Variants in SIN3B observed in about 807,000 individuals in gnomAD.
SIN3B encodes the protein SIN3 transcription regulator family member B, also known as paired amphipathic helix protein Sin3b.
SIN3B carries 19 observed loss-of-function variants against 120.2 expected under a neutral mutation model. The ratio of observed to expected loss-of-function variants is 0.16; its 90% confidence interval spans 0.11 to 0.23. The LOEUF (loss-of-function observed/expected upper bound fraction) is 0.23, where lower values mean the gene tolerates loss of function less well. Ranked by LOEUF, SIN3B falls within the 10% of genes least tolerant of loss-of-function variation. SIN3B has a pLI of 1.00. For synonymous variants in SIN3B, 654 were observed against 653.2 expected, an observed-to-expected ratio of 1.00 and a Z score of -0.02; for missense variants, 1,073 against 1,573.0, an observed-to-expected ratio of 0.68 and a Z score of 5.38.
intron 3 of SIN3B, among the ~76,000 whole-genome samples, chr19:16,841,555 T>C (rs1199036136): frequency 6.6e-6 from 1 of 152,150 alleles, no homozygotes; most frequent in Non-Finnish European, 1.5e-5. Context: ...AGTAGATTGG[T>C]AAGGATCGGG....
chr19:16,863,947 G>C (rs1334480662), intron 10 of SIN3B, 151 bp downstream of exon 10: 1 of 608,514 alleles, frequency 1.6e-6, no homozygotes, highest in African/African-American at 1.9e-5. Context: ...CTTCCTGCCG[G>C]GTCTTGCTGG....
chr19:16,876,793 C>G lies in SIN3B; in HGVS notation c.2859+215C>G. 3.9e-6 allele frequency: 2 copies of G among 516,552 alleles called. No individual in the cohort carries two copies. Among genetic ancestry groups the G allele is most frequent in the Non-Finnish European group, 6.9e-6 (2 of 289,118 alleles). The allele number at this position is 516,552 out of a possible 1,614,324, so 32.0% of individuals were successfully genotyped here. Reference sequence around the variant, plus strand: ...TGCCCCCTCTCCAAAGAGCAGACCACTCCTCCTGAGCAAGCGGTTGTGTCC... The same window carrying G: ...TGCCCCCTCTCCAAAGAGCAGACCAGTCCTCCTGAGCAAGCGGTTGTGTCC... On this transcript the variant is annotated intron_variant, in intron 16 of 18. Transcript: ENST00000248054. This position sits in a 1 kb window ranked among gnomAD's most constrained non-coding sequence, Gnocchi z 7.1.
rs1555741877 is a variant in SIN3B at position 16,855,377 on chromosome 19, C to CCCCT, written c.1058+1119_1058+1120insTCCC. 3 of 113,072 alleles carry CCCCT rather than the reference C, an allele frequency of 2.7e-5. 1 individual carries two copies. The East Asian group carries it at 7.9e-4, about 30-fold the overall frequency. 7.0% of individuals were successfully genotyped at this position (113,072 alleles called of 1,614,324 possible). A position where few individuals can be genotyped will look rare whatever the true frequency, so the allele number is the denominator to read the frequency against. On this transcript the variant is annotated intron_variant, in intron 8 of 18. Transcript: ENST00000248054. ...ACCCTCTGGGAGAAACCTTCCCCCCCCCCCCCCCAGCAAAATTCCCTGGAG... is the reference window on the plus strand; with the variant it reads ...ACCCTCTGGGAGAAACCTTCCCCCCCCCCTCCCCCCCCAGCAAAATTCCCTGGAG...
At chr19:16,875,771 T>G (rs1168941617) in intron 14 of SIN3B, among the ~76,000 whole-genome samples, 1 of 146,100 alleles carries the variant, frequency 6.8e-6, no homozygotes, top group African/African-American at 2.6e-5. Context: ...TGGTCTGGTC[T>G]GTTTGGTCTG....
chr19:16,877,359 C>T, intron 16 of SIN3B, 186 bp from the exon 17 acceptor site: 1 of 581,340 alleles, frequency 1.7e-6, no homozygotes, highest in Non-Finnish European at 3.1e-6. Flanking sequence ...TCACTGGGTC[C>T]TCTGTCAAGA....
chr19:16,863,095 C>A, intron 9 of SIN3B: 1 of 779,070 alleles, frequency 1.3e-6, no homozygotes, highest in Non-Finnish European at 2.2e-6. Flanking sequence ...CTTTTCTCAC[C>A]ACAAAGGCAG....
intron 3 of SIN3B, among the ~76,000 whole-genome samples, chr19:16,832,210 T>TTTG (rs1971287549): frequency 8.1e-6 from 1 of 123,156 alleles, no homozygotes; most frequent in Non-Finnish European, 1.8e-5. Flanking sequence ...TTTTTTTTTT[T>TTTG]TTTTGGAGAC....
chr19:16,834,961 T>C (rs1223046435), intron 3 of SIN3B, among the ~76,000 whole-genome samples: 11 of 151,034 alleles, frequency 7.3e-5, no homozygotes, highest in Non-Finnish European at 1.2e-4. Context: ...AGAGTTTCGC[T>C]CTTTACCCAC....
At chr19:16,841,136 A>G (rs1019742875) in intron 3 of SIN3B, among the ~76,000 whole-genome samples, 2 of 151,666 alleles carry the variant, frequency 1.3e-5, no homozygotes, top group Non-Finnish European at 2.9e-5. Flanking sequence ...GCTTCTTTCT[A>G]TTTTTGCTCA....
intron 17 of SIN3B, 40 bp downstream of exon 17, chr19:16,877,679 T>TG: frequency 7.1e-7 from 1 of 1,412,808 alleles, no homozygotes; most frequent in South Asian, 1.2e-5. Context: ...CCTTCCTTCC[T>TG]GGGCCCAGGG....
Position 16,857,553 on chromosome 19 carries a change from G to GTGTGTGTGTATA in SIN3B, c.1058+3293_1058+3294insGTGTGTGTATAT, listed in dbSNP as rs66778532. Among the ~76,000 whole-genome samples, 285 of 139,536 alleles carry GTGTGTGTGTATA rather than the reference G, an allele frequency of 2.0e-3. 1 individual carries two copies. Among genetic ancestry groups the GTGTGTGTGTATA allele is most frequent in the African/African-American group, 4.7e-3 (177 of 37,504 alleles). 91.5% of individuals were successfully genotyped at this position (139,536 alleles called of 152,430 possible). On this transcript the variant is annotated intron_variant, in intron 8 of 18. Transcript: ENST00000248054. The stretch of plus-strand genomic sequence containing the variant: ...TGTGTGTGTGTGTGTGTGTGTGTGT[G>GTGTGTGTGTATA]TATATATACACATAAACATTTTTCT...
Position 16,834,941 on chromosome 19 carries a change from A to G in SIN3B, c.381+3294A>G, listed in dbSNP as rs1373764352. ...TTCTTTCTTTTTTTTTTTTTTTGTGACAGAGTTTCAGAGTTTCGCTCTTTA... is the reference window on the plus strand; with the variant it reads ...TTCTTTCTTTTTTTTTTTTTTTGTGGCAGAGTTTCAGAGTTTCGCTCTTTA... On this transcript the variant is annotated intron_variant, in intron 3 of 18. Transcript: ENST00000248054. Among the ~76,000 whole-genome samples, 6 of 139,600 alleles carry G rather than the reference A, an allele frequency of 4.3e-5. No homozygotes were observed. The South Asian group carries it at 1.1e-3, about 26-fold the overall frequency. 91.6% of individuals were successfully genotyped at this position (139,600 alleles called of 152,430 possible).
chr19:16,873,949 G>T (rs2051547259), intron 14 of SIN3B, among the ~76,000 whole-genome samples: 1 of 152,248 alleles, frequency 6.6e-6, no homozygotes. Flanking sequence ...GGTACTGTCT[G>T]AAACCTATGC....
intron 2 of SIN3B, 30 bp from the exon 3 acceptor site, chr19:16,831,464 C>A: frequency 2.5e-6 from 4 of 1,605,940 alleles, no homozygotes; most frequent in Non-Finnish European, 3.4e-6. Flanking sequence ...TTCCCAAGAC[C>A]CTTTTGCCCA....
intron 1 of SIN3B, 99 bp from the exon 2 acceptor site, chr19:16,829,692 C>T: frequency 7.5e-7 from 1 of 1,331,896 alleles, no homozygotes; most frequent in Non-Finnish European, 1.0e-6. Context: ...CACCTCGGCC[C>T]TCCGAAAGCC....
intron 16 of SIN3B, 119 bp from the exon 17 acceptor site, chr19:16,877,426 C>T (rs376444407): frequency 4.2e-6 from 3 of 709,170 alleles, no homozygotes; most frequent in Non-Finnish European, 2.4e-6. Context: ...CGGCTCTCCT[C>T]ATGCTCTGGC....
At position 16,877,628 on chromosome 19, in the gene SIN3B, G is replaced by T. The variant is rs779220649; in HGVS notation, c.2943G>T (p.Val981=). 14 of 1,609,754 alleles carry T rather than the reference G, an allele frequency of 8.7e-6. No individual in the cohort carries two copies. Among genetic ancestry groups the T allele is most frequent in the South Asian group, 1.1e-5 (1 of 89,878 alleles). ...SPTEGFLLKP[V]FLQRNLKKFR... is the part of the protein sequence containing the mutation. ...CTGAGGGCTTCCTCCTGAAACCTGTGTTCCTGCAGAGGTAAGAGGCCCTGA... is the reference window on the plus strand; with the variant it reads ...CTGAGGGCTTCCTCCTGAAACCTGTTTTCCTGCAGAGGTAAGAGGCCCTGA... Residue 981 remains valine (V), a synonymous_variant, in exon 17 of 19, where the codon GTG becomes GTT. Coordinates refer to ENST00000248054, the MANE Select transcript of SIN3B (RefSeq NM_001297595.2).
chr19:16,833,116 G>A (rs77307350), intron 3 of SIN3B, among the ~76,000 whole-genome samples: 2 of 152,216 alleles, frequency 1.3e-5, no homozygotes, highest in East Asian at 3.9e-4. Context: ...CGGTGTAAGT[G>A]GACCAGCTCT....
chr19:16,850,479 G>A (rs1374204486), intron 5 of SIN3B, among the ~76,000 whole-genome samples: 1 of 151,870 alleles, frequency 6.6e-6, no homozygotes, highest in Non-Finnish European at 1.5e-5. Context: ...TTTCAGGTAT[G>A]CCTGTCCCTA....
Sources: gnomAD v4.1 joint callset for allele counts (sites outside exome capture counted in the v4.1 genomes callset) on GRCh38, gnomAD v4.1.1 for gene constraint, Gnocchi (gnomAD v3.1) non-coding constraint, MANE v1.5 for transcripts, NCBI Gene and HGNC (gene_info 2026-07-23, HGNC 2026-07-21) for gene names.